METTL15: variants seen among roughly 807,000 people sequenced by gnomAD.
METTL15 encodes the protein methyltransferase 15, mitochondrial 12S rRNA N4-cytidine.
A neutral mutation model predicts 38.3 loss-of-function variants in METTL15; 34 were observed. That is an observed-to-expected ratio of 0.89 (90% CI 0.68 to 1.18). The LOEUF (loss-of-function observed/expected upper bound fraction) is 1.18, where lower values mean the gene tolerates loss of function less well. METTL15 is among the 50% of genes most tolerant of loss of function. The pLI, the probability that METTL15 is intolerant of heterozygous loss-of-function variation, is 0.00. For synonymous variants in METTL15, 162 were observed against 170.9 expected (o/e 0.95, Z 0.41); for missense variants, 438 against 498.4 (o/e 0.88, Z 1.15).
intron 3 of METTL15, among the ~76,000 whole-genome samples, chr11:28,201,367 T>C (rs921997386): frequency 5.9e-5 from 9 of 152,152 alleles, no homozygotes; most frequent in African/African-American, 1.9e-4. Context: ...CTCTGCCCTG[T>C]TTTGATATCA....
intron 4 of METTL15, among the ~76,000 whole-genome samples, chr11:28,260,594 A>G (rs1193160191): frequency 6.6e-6 from 1 of 152,200 alleles, no homozygotes; most frequent in Non-Finnish European, 1.5e-5. Context: ...AGAGCAAACT[A>G]AAGACAGAAA....
At chr11:28,240,593 C>T (rs533869280) in intron 4 of METTL15, among the ~76,000 whole-genome samples, 89 of 152,266 alleles carry the variant, frequency 5.8e-4, no homozygotes, top group African/African-American at 2.0e-3. Flanking sequence ...GCTTGTTCTA[C>T]TAGGATTAAA....
chr11:28,252,091 G>A (rs1362246365), intron 4 of METTL15, among the ~76,000 whole-genome samples: 1 of 152,106 alleles, frequency 6.6e-6, no homozygotes, highest in Admixed American at 6.6e-5. Context: ...TGGCACCAAC[G>A]ATGTGCAAGG....
At chr11:28,145,531 G>C (rs1590806990) in intron 3 of METTL15, 1 of 152,030 alleles carries the variant, frequency 6.6e-6, no homozygotes, top group East Asian at 1.9e-4. Context: ...AACTGGCTTT[G>C]GCCTGTGGAA....
intron 4 of METTL15, among the ~76,000 whole-genome samples, chr11:28,220,210 G>A (rs1043740737): frequency 6.6e-6 from 1 of 152,118 alleles, no homozygotes; most frequent in South Asian, 2.1e-4. Flanking sequence ...CTCTTTGTAG[G>A]TCTCTGAGGA....
intron 5 of METTL15, among the ~76,000 whole-genome samples, chr11:28,407,201 A>T (rs2133409201): frequency 6.6e-6 from 1 of 152,308 alleles, no homozygotes; most frequent in East Asian, 1.9e-4. Flanking sequence ...TAAAACCCAA[A>T]ACTGTAAAAA....
chr11:28,170,665 A>C (rs1850823697), intron 3 of METTL15, among the ~76,000 whole-genome samples: 1 of 152,176 alleles, frequency 6.6e-6, no homozygotes, highest in African/African-American at 2.4e-5. Flanking sequence ...TAACTTCCTG[A>C]CATTGCCATG....
intron 6 of METTL15, among the ~76,000 whole-genome samples, chr11:28,298,286 T>A (rs1051142896): frequency 2.0e-5 from 3 of 152,142 alleles, no homozygotes; most frequent in African/African-American, 7.2e-5. Flanking sequence ...TGTGTTATTA[T>A]CTGTCTCCCA....
rs1590403025 is a variant in METTL15, at chr11:28,521,706, A to T, written c.*425-4772A>T. Among the ~76,000 whole-genome samples, 4 of 152,188 alleles carry T rather than the reference A, an allele frequency of 2.6e-5. No individual in the cohort carries two copies. The South Asian group carries it at 8.3e-4, about 32-fold the overall frequency. The stretch of plus-strand genomic sequence containing the variant: ...CTAGAAGACTAGTAGGAGAAAGCAG[A>T]GTAGGGTCAGGGTATTATTATCCTG... On this transcript the variant is annotated intron_variant and NMD_transcript_variant, in intron 6 of 7. Coordinates refer to the METTL15 transcript ENST00000532947.
At chr11:28,473,922 C>A (rs1300986971) in intron 6 of METTL15, among the ~76,000 whole-genome samples, 1 of 151,778 alleles carries the variant, frequency 6.6e-6, no homozygotes, top group Non-Finnish European at 1.5e-5. Context: ...TATGCCACAC[C>A]CTTTCCTTTT....
chr11:28,287,154 CAATGTGT>C (rs1856305159), intron 4 of METTL15: 2 of 85,382 alleles, frequency 2.3e-5, no homozygotes, highest in African/African-American at 9.9e-5. Context: ...GAGAGAGAGA[CAATGTGT>C]GTGTGTGTGT....
intron 5 of METTL15, among the ~76,000 whole-genome samples, chr11:28,413,117 A>G (rs1040039467): frequency 6.6e-6 from 1 of 152,046 alleles, no homozygotes; most frequent in African/African-American, 2.4e-5. Context: ...AAATACTACT[A>G]AATAAGTGGT....
intron 5 of METTL15, among the ~76,000 whole-genome samples, chr11:28,401,562 G>A (rs556697717): frequency 2.7e-4 from 41 of 151,052 alleles, no homozygotes; most frequent in Admixed American, 4.6e-4. Context: ...TCTTCTTTTC[G>A]ATGAGGATTG....
intron 6 of METTL15, among the ~76,000 whole-genome samples, chr11:28,481,492 T>A (rs1372040461): frequency 2.6e-5 from 4 of 152,206 alleles, no homozygotes; most frequent in Non-Finnish European, 5.9e-5. Flanking sequence ...ACACTGAACG[T>A]CCCTGCAAAG....
chr11:28,142,070 G>T (rs1218617470), intron 3 of METTL15, among the ~76,000 whole-genome samples: 1 of 152,148 alleles, frequency 6.6e-6, no homozygotes, highest in African/African-American at 2.4e-5. Flanking sequence ...CAGTTTTACT[G>T]TTATGGGAAA....
At chr11:28,461,920 A>G (rs1231000954) in intron 6 of METTL15, among the ~76,000 whole-genome samples, 1 of 152,116 alleles carries the variant, frequency 6.6e-6, no homozygotes, top group Non-Finnish European at 1.5e-5. Context: ...ACACATAAAT[A>G]AAATGAGATC....
chr11:28,415,790 T>C (rs1053624534), intron 5 of METTL15, among the ~76,000 whole-genome samples: 21 of 152,152 alleles, frequency 1.4e-4, no homozygotes, highest in African/African-American at 5.1e-4. Flanking sequence ...TCTAGGGAGC[T>C]GTAGTAGCCA....
chr11:28,178,935 A>T (rs1851179243), intron 3 of METTL15, among the ~76,000 whole-genome samples: 1 of 151,846 alleles, frequency 6.6e-6, no homozygotes. Context: ...TTTTCAGACT[A>T]GGGTAGACTT....
intron 5 of METTL15, among the ~76,000 whole-genome samples, chr11:28,378,451 G>A (rs1225867252): frequency 6.6e-6 from 1 of 152,198 alleles, no homozygotes; most frequent in East Asian, 1.9e-4. Flanking sequence ...TCTTTGATTA[G>A]GAAAGGGAAC....
Sources: allele counts gnomAD v4.1 joint callset (sites outside exome capture counted in the v4.1 genomes callset), GRCh38; gene constraint gnomAD v4.1.1; transcripts MANE v1.5; gene names NCBI Gene and HGNC (gene_info 2026-07-23, HGNC 2026-07-21).